Variants in TMEM217 observed in about 807,000 individuals in gnomAD.
TMEM217 encodes chromosome 6 open reading frame 128.
For synonymous variants in TMEM217, 76 were observed against 88.3 expected (o/e 0.86, Z 0.78); for missense variants, 204 against 248.8 (o/e 0.82, Z 1.21).
chr6:37,252,074 A>G (rs977613398), intron 1 of TMEM217, among the ~76,000 whole-genome samples: 1 of 152,048 alleles, frequency 6.6e-6, no homozygotes, highest in Non-Finnish European at 1.5e-5. Flanking sequence ...TGTAATTTTA[A>G]TAGAGCCAGG....
intron 1 of TMEM217, among the ~76,000 whole-genome samples, chr6:37,242,120 A>C (rs1764797991): frequency 6.6e-6 from 1 of 151,866 alleles, no homozygotes; most frequent in East Asian, 1.9e-4. Context: ...AGACTTCAAG[A>C]CAGTGTGGTC....
intron 1 of TMEM217, among the ~76,000 whole-genome samples, chr6:37,235,625 C>T (rs1764460759): frequency 6.6e-6 from 1 of 151,756 alleles, no homozygotes; most frequent in African/African-American, 2.4e-5. Context: ...CTTGGCCTCC[C>T]AAAGTGCTGG....
downstream of TMEM217, among the ~76,000 whole-genome samples, chr6:37,215,570 CAAAAAAAAAAAAAAA>C (rs34808595): frequency 5.5e-5 from 4 of 72,378 alleles, no homozygotes; most frequent in Admixed American, 8.5e-4. Context: ...GACTCTGTCT[CAAAAAAAAAAAAAAA>C]AAAAAAAAAA....
chr6:37,235,137 C>A (rs114420867), intron 1 of TMEM217, among the ~76,000 whole-genome samples: 138 of 152,218 alleles, frequency 9.1e-4, no homozygotes, highest in Non-Finnish European at 1.6e-3. Flanking sequence ...AAAACATTAT[C>A]ATGAGAAGTA....
At chr6:37,212,907 G>C, downstream of TMEM217, 1 of 1,545,958 alleles carries the variant, frequency 6.5e-7, no homozygotes, top group Non-Finnish European at 8.8e-7. Flanking sequence ...CAAAGATGAA[G>C]AACTGGGTGG....
At chr6:37,229,335 GT>G (rs372385535) in intron 1 of TMEM217, among the ~76,000 whole-genome samples, 25 of 74,358 alleles carry the variant, frequency 3.4e-4, no homozygotes, top group Non-Finnish European at 5.6e-4. Context: ...GCAACTTTCA[GT>G]TTTTTTTTTT....
At chr6:37,249,364 C>T (rs1160342669) in intron 1 of TMEM217, among the ~76,000 whole-genome samples, 4 of 152,088 alleles carry the variant, frequency 2.6e-5, no homozygotes, top group South Asian at 2.1e-4. Flanking sequence ...CTGTTGCCTA[C>T]GTTGGAGTGC....
intron 1 of TMEM217, among the ~76,000 whole-genome samples, chr6:37,222,037 C>T (rs141015109): frequency 9.0e-4 from 137 of 152,310 alleles, no homozygotes; most frequent in African/African-American, 3.2e-3. Flanking sequence ...TAGCTCCTCT[C>T]TGCAGCTGGT....
downstream of TMEM217, among the ~76,000 whole-genome samples, chr6:37,215,882 C>T (rs1035901255): frequency 3.9e-5 from 6 of 152,004 alleles, no homozygotes; most frequent in African/African-American, 1.4e-4. Flanking sequence ...TTTGCCTTGG[C>T]TTGAGCAGAG....
At chr6:37,215,358 C>G, downstream of TMEM217, 2 of 1,510,684 alleles carry the variant, frequency 1.3e-6, no homozygotes, top group Non-Finnish European at 1.8e-6. Context: ...AGGCGGATCA[C>G]GAGGTCAGGA....
chr6:37,217,199 C>T (rs1763249547), downstream of TMEM217, among the ~76,000 whole-genome samples: 1 of 152,178 alleles, frequency 6.6e-6, no homozygotes, highest in Non-Finnish European at 1.5e-5. Flanking sequence ...GAGGCTGAAG[C>T]TGGAGAATCG....
chr6:37,254,015 C>T lies in TMEM217; in HGVS notation c.-12+3553G>A, dbSNP rs76869063. 6.6e-3 allele frequency among the ~76,000 whole-genome samples: 999 copies of T among 152,242 alleles called. 30 individuals carry two copies. In the East Asian group the frequency reaches 0.08, roughly 12 times the overall value. On this transcript the variant is annotated intron_variant, in intron 1 of 1. Coordinates refer to ENST00000357219, the Ensembl canonical transcript of TMEM217. ...GAAGTTGAGGGGGGGAAAGTAAAAACTTGCAGAAGCCTCTACTTACAGTTT... is the reference window on the plus strand; with the variant it reads ...GAAGTTGAGGGGGGGAAAGTAAAAATTTGCAGAAGCCTCTACTTACAGTTT...
At chr6:37,246,248 G>C (rs1291293207) in intron 1 of TMEM217, among the ~76,000 whole-genome samples, 1 of 152,152 alleles carries the variant, frequency 6.6e-6, no homozygotes, top group Non-Finnish European at 1.5e-5. Flanking sequence ...AAAACCACAA[G>C]CATCTATTTT....
chr6:37,244,284 T>C (rs1764943978), intron 1 of TMEM217, among the ~76,000 whole-genome samples: 1 of 152,258 alleles, frequency 6.6e-6, no homozygotes, highest in Admixed American at 6.5e-5. Context: ...AGGAGTCAAC[T>C]GTGTCAGATT....
intron 1 of TMEM217, among the ~76,000 whole-genome samples, chr6:37,235,776 C>A (rs907671602): frequency 2.6e-5 from 4 of 152,182 alleles, no homozygotes; most frequent in African/African-American, 7.2e-5. Context: ...GTTGCTGTGT[C>A]CTCACAGGGA....
chr6:37,231,403 G>A (rs1243493380), intron 1 of TMEM217, among the ~76,000 whole-genome samples: 8 of 150,492 alleles, frequency 5.3e-5, no homozygotes, highest in East Asian at 2.0e-4. Flanking sequence ...GGCTGGGCGC[G>A]GTGGCTCATA....
chr6:37,252,633 A>ATT (rs1347062653), intron 1 of TMEM217, among the ~76,000 whole-genome samples: 18 of 75,250 alleles, frequency 2.4e-4, no homozygotes, highest in African/African-American at 9.7e-4. Flanking sequence ...ATATATATAT[A>ATT]TATATTTTTT....
At chr6:37,217,878 C>T in exon 2 of TMEM217, 4 of 985,862 alleles carry the variant, frequency 4.1e-6, no homozygotes, top group Non-Finnish European at 4.8e-6. Context: ...TTATTCCATT[C>T]ATTTTGACCA....
chr6:37,217,448 CAT>C (rs59322655), downstream of TMEM217, among the ~76,000 whole-genome samples: 683 of 152,260 alleles, frequency 4.5e-3, 6 homozygotes, highest in African/African-American at 0.016. Context: ...ACAAAATTCT[CAT>C]AGTCATTCAT....
Sources: gnomAD v4.1 joint callset for allele counts (sites outside exome capture counted in the v4.1 genomes callset) on GRCh38, gnomAD v4.1.1 for gene constraint, MANE v1.5 for transcripts, NCBI Gene and HGNC (gene_info 2026-07-23, HGNC 2026-07-21) for gene names.